ZNF605: variants seen among roughly 807,000 people sequenced by gnomAD.
ZNF605 encodes the protein zinc finger protein 605.
Under a neutral mutation model 7.9 loss-of-function variants are expected in ZNF605, and 9 were observed. The ratio of observed to expected loss-of-function variants is 1.14; its 90% CI spans 0.68 to 1.98. The LOEUF (loss-of-function observed/expected upper bound fraction) is 1.98. Ranked by LOEUF, ZNF605 falls within the 30% of genes most tolerant of loss-of-function variation. ZNF605 has a pLI of 0.00. For missense variants in ZNF605, 673 were observed against 762.4 expected (o/e 0.88, Z 1.38); for synonymous variants, 255 against 260.1 (o/e 0.98, Z 0.19).
At position 132,923,746 on chromosome 12, in the gene ZNF605, ATCTT is replaced by A. The variant is rs1475653007; in HGVS notation, c.*1623_*1626del. On this transcript the variant is annotated 3_prime_UTR_variant, in exon 5 of 5. Coordinates refer to ENST00000360187, the MANE Select transcript of ZNF605 (RefSeq NM_183238.4). ...GTATTGTTTTCACCAGATTTGGAAA[ATCTT>A]TAGCCATTATTTATTCAAATACTTC... 6.6e-6 allele frequency: 1 copy of A among 152,114 alleles called. No individual in the cohort carries two copies. Among genetic ancestry groups the A allele is most frequent in the Non-Finnish European group, 1.5e-5 (1 of 68,026 alleles). The allele number at this position is 152,114 out of a possible 1,614,324, so 9.4% of individuals were successfully genotyped here.
chr12:132,924,226 T>C lies in ZNF605; in HGVS notation c.*1147A>G, dbSNP rs750556720. The C allele has an allele frequency of 3.3e-5, 5 of 152,230 alleles. No homozygotes were observed. Among genetic ancestry groups the C allele is most frequent in the Non-Finnish European group, 5.9e-5 (4 of 68,036 alleles). The allele number at this position is 152,230 out of a possible 1,614,324, so 9.4% of individuals were successfully genotyped here. On this transcript the variant is annotated 3_prime_UTR_variant, in exon 5 of 5. Coordinates refer to ENST00000360187, the MANE Select transcript of ZNF605 (RefSeq NM_183238.4). ...ATTAGTTTTTTTGGATGCCGGACAC[T>C]GTAGGTCCAGAGTAGCTTTTAATCT...
chr12:132,920,687 A>C lies in ZNF605; in HGVS notation c.*4686T>G, dbSNP rs555363398. 6.6e-6 allele frequency: 1 copy of C among 152,146 alleles called. No homozygotes were observed. The highest frequency in any genetic ancestry group is 1.5e-5 in the Non-Finnish European group (1 of 68,042). 9.4% of individuals were successfully genotyped at this position (152,146 alleles called of 1,614,324 possible). Reference sequence around the variant, plus strand: ...AAGCTTACTTTATTTTTATTCATTTAAGAGGCAAGGTTTCACTCTGTCACT... The same window carrying C: ...AAGCTTACTTTATTTTTATTCATTTCAGAGGCAAGGTTTCACTCTGTCACT... On this transcript the variant is annotated 3_prime_UTR_variant, in exon 5 of 5. Coordinates refer to ENST00000360187, the MANE Select transcript of ZNF605 (RefSeq NM_183238.4).
At chr12:132,937,359 C>CAAAAAAAA (rs56281488) in intron 3 of ZNF605, among the ~76,000 whole-genome samples, 5 of 86,782 alleles carry the variant, frequency 5.8e-5, no homozygotes, top group African/African-American at 1.8e-4. Context: ...AACTCTGTCT[C>CAAAAAAAA]AAAAAAAAAA....
In ZNF605 at chr12:132,919,324, G is replaced by C; in HGVS notation, c.*6049C>G. Reference sequence around the variant, plus strand: ...CAAGCTCTCCTCTCCTCCCAGCTGGGCCTCCCAAAGTCCTGGGATTGCAGG... The same window carrying C: ...CAAGCTCTCCTCTCCTCCCAGCTGGCCCTCCCAAAGTCCTGGGATTGCAGG... On this transcript the variant is annotated 3_prime_UTR_variant, in exon 5 of 5. Transcript: ENST00000360187. The C allele has an allele frequency of 6.6e-6, 1 of 150,622 alleles. No homozygotes were observed. Among genetic ancestry groups the C allele is most frequent in the East Asian group, 1.9e-4 (1 of 5,140 alleles). The allele number at this position is 150,622 out of a possible 1,614,324, so 9.3% of individuals were successfully genotyped here.
chr12:132,936,070 C>CA lies in ZNF605; in HGVS notation c.16-2916dup, dbSNP rs1172976393. 2.7e-3 allele frequency among the ~76,000 whole-genome samples: 380 copies of CA among 142,540 alleles called. 3 individuals are homozygous for CA. The highest frequency in any genetic ancestry group is 6.9e-3 in the African/African-American group (265 of 38,560). 93.5% of individuals were successfully genotyped at this position (142,540 alleles called of 152,430 possible). On this transcript the variant is annotated intron_variant, in intron 3 of 4. Coordinates refer to ENST00000360187, the MANE Select transcript of ZNF605 (RefSeq NM_183238.4). ...AGCAAGACTCCATCTCAAAAAAAAC[C>CA]AAAAAAAAACAAACAGGAGTGGTAT...
Position 132,933,659 on chromosome 12 carries a change from C to T in ZNF605, c.16-504G>A, listed in dbSNP as rs1051471739. On this transcript the variant is annotated intron_variant, in intron 3 of 4. Transcript: ENST00000360187. This position sits in a 1 kb window ranked among gnomAD's most constrained non-coding sequence, Gnocchi z 4.4. Reference sequence around the variant, plus strand: ...AGATCAATGTTTGTTGTTTTCAGCCCTTGAGGTTTGGGGTAATTTGTGACA... The same window carrying T: ...AGATCAATGTTTGTTGTTTTCAGCCTTTGAGGTTTGGGGTAATTTGTGACA... Among the ~76,000 whole-genome samples, 571 of 152,264 alleles carry T rather than the reference C, an allele frequency of 3.8e-3. 2 individuals carry two copies. The highest frequency in any genetic ancestry group is 0.013 in the African/African-American group (523 of 41,546).
intron 2 of ZNF605, among the ~76,000 whole-genome samples, chr12:132,946,371 A>G (rs1344161768): frequency 6.6e-6 from 1 of 152,268 alleles, no homozygotes; most frequent in Non-Finnish European, 1.5e-5. Flanking sequence ...ACCCCTGGGC[A>G]GACGCAGGCT....
At chr12:132,955,881 G>T (rs2137174989) in intron 1 of ZNF605, among the ~76,000 whole-genome samples, 2 of 151,090 alleles carry the variant, frequency 1.3e-5, no homozygotes, top group East Asian at 2.0e-4. Context: ...CCCTTGCCCC[G>T]CCCGTGCTGC....
intron 3 of ZNF605, among the ~76,000 whole-genome samples, chr12:132,942,971 A>C (rs1280908212): frequency 1.3e-5 from 2 of 152,130 alleles, no homozygotes; most frequent in Admixed American, 6.5e-5. Flanking sequence ...CGGCCCGTCA[A>C]AGTCTGACCT....
At chr12:132,954,116 T>G (rs1487368656) in intron 1 of ZNF605, among the ~76,000 whole-genome samples, 1 of 151,440 alleles carries the variant, frequency 6.6e-6, no homozygotes, top group Non-Finnish European at 1.5e-5. Context: ...CACTTACCAT[T>G]CCTACGTCAC....
intron 1 of ZNF605, among the ~76,000 whole-genome samples, chr12:132,951,217 CAT>C (rs1340092483): frequency 6.6e-6 from 1 of 151,760 alleles, no homozygotes; most frequent in African/African-American, 2.4e-5. Context: ...CACTGATACA[CAT>C]GTACATCACA....
At chr12:132,927,719 C>G (rs548778541) in intron 4 of ZNF605, among the ~76,000 whole-genome samples, 45 of 147,958 alleles carry the variant, frequency 3.0e-4, no homozygotes, top group African/African-American at 1.1e-3. Flanking sequence ...TGCAGTGGTG[C>G]GATCTCAGCT....
At chr12:132,943,357 T>C (rs2137152483) in intron 3 of ZNF605, among the ~76,000 whole-genome samples, 1 of 136,244 alleles carries the variant, frequency 7.3e-6, no homozygotes, top group African/African-American at 2.8e-5. Context: ...AGACTCCATC[T>C]CAAAAAAAAA....
In ZNF605 at chr12:132,926,154, T is replaced by C. The variant is rs1181037747; in HGVS notation, c.1145A>G (p.Lys382Arg). Residue 382 changes from lysine to arginine, a missense_variant, in exon 5 of 5, where the codon AAA becomes AGA. Transcript: ENST00000360187. Reference sequence around the variant, plus strand: ...CTCTCCTGTGTGAGTTATCTGATGTTTAATCAGCTGTGGTTTTCTGATGAA... The same window carrying C: ...CTCTCCTGTGTGAGTTATCTGATGTCTAATCAGCTGTGGTTTTCTGATGAA... ...EAFIRKPQLI[K>R]HQITHTGEKN... 8.1e-6 allele frequency: 13 copies of C among 1,613,906 alleles called. No homozygotes were observed. Among genetic ancestry groups the C allele is most frequent in the Non-Finnish European group, 1.1e-5 (13 of 1,179,978 alleles).
intron 1 of ZNF605, among the ~76,000 whole-genome samples, chr12:132,950,506 C>T (rs1008912289): frequency 3.3e-5 from 5 of 151,392 alleles, no homozygotes; most frequent in Non-Finnish European, 2.9e-5. Flanking sequence ...TACAGACATG[C>T]GCAGACATGC....
chr12:132,925,907 C>A lies in ZNF605; in HGVS notation c.1392G>T (p.Leu464=), dbSNP rs1268562862. Residue 464 remains leucine (L), a synonymous_variant, in exon 5 of 5, where the codon CTG becomes CTT. Transcript: ENST00000360187. ...CGKAFTQKSS[L]ISHQRTHTGE... is the part of the protein sequence containing the mutation. ...CTGTATGTGTTCTCTGATGTGATAT[C>A]AGGCTTGACTTCTGGGTGAAGGCCT... The A allele has an allele frequency of 4.3e-6, 7 of 1,614,086 alleles. No homozygotes were observed. Among genetic ancestry groups the A allele is most frequent in the South Asian group, 1.1e-5 (1 of 91,078 alleles).
In ZNF605 at chr12:132,933,406, C is replaced by A. The variant is rs1393592054; in HGVS notation, c.16-251G>T. On this transcript the variant is annotated intron_variant, in intron 3 of 4. Coordinates refer to ENST00000360187, the MANE Select transcript of ZNF605 (RefSeq NM_183238.4). The surrounding 1 kb of genome is among the most constrained non-coding windows in gnomAD (Gnocchi z 4.4). The stretch of plus-strand genomic sequence containing the variant: ...GGTTAGAAAGAAATGCAACTTCTAT[C>A]CTGGGCACTCTCTCTCTCTGGAGGA... Among the ~76,000 whole-genome samples the A allele has an allele frequency of 6.6e-6, 1 of 152,166 alleles. No individual in the cohort carries two copies. The highest frequency in any genetic ancestry group is 1.5e-5 in the Non-Finnish European group (1 of 68,040).
At position 132,927,793 on chromosome 12, in the gene ZNF605, A is replaced by T. The variant is rs1380010470; in HGVS notation, c.137-631T>A. 3.3e-5 allele frequency among the ~76,000 whole-genome samples: 5 copies of T among 151,996 alleles called. No homozygotes were observed. The East Asian group carries it at 7.7e-4, about 24-fold the overall frequency. On this transcript the variant is annotated intron_variant, in intron 4 of 4. Coordinates refer to ENST00000360187, the MANE Select transcript of ZNF605 (RefSeq NM_183238.4). Reference sequence around the variant, plus strand: ...TGCCTCAGCCTCCTGAGTAGCTGAGACTACAGGTGTGCGCCATCACACTTG... The same window carrying T: ...TGCCTCAGCCTCCTGAGTAGCTGAGTCTACAGGTGTGCGCCATCACACTTG...
Position 132,926,365 on chromosome 12 carries a change from T to A in ZNF605, c.934A>T (p.Ser312Cys), listed in dbSNP as rs2137124093. 1 of 1,614,222 alleles carries A rather than the reference T, an allele frequency of 6.2e-7. No homozygotes were observed. Among genetic ancestry groups the A allele is most frequent in the Admixed American group, 1.7e-5 (1 of 60,018 alleles). ...CAAAAGAAGGCTTTTCCACAGTGAC[T>A]ACATGGATAGGGTTTCTCTCCTGTG... ...AHTGEKPYPC[S>C]HCGKAFFWKS... is the part of the protein sequence containing the mutation. Residue 312 changes from serine (S) to cysteine (C), a missense_variant, in exon 5 of 5, where the codon AGT (serine) becomes TGT (cysteine). Transcript: ENST00000360187.
Sources: allele counts gnomAD v4.1 joint callset (sites outside exome capture counted in the v4.1 genomes callset), GRCh38; gene constraint gnomAD v4.1.1; non-coding constraint Gnocchi (gnomAD v3.1); transcripts MANE v1.5; gene names NCBI Gene and HGNC (gene_info 2026-07-23, HGNC 2026-07-21).